The following CDH18 variants were observed in gnomAD, a reference collection of about 807,000 sequenced individuals.
CDH18 encodes cadherin-18.
In CDH18, 31 loss-of-function variants were observed where a neutral mutation model predicts 67.9. That is an observed-to-expected ratio of 0.46 (90% CI 0.34 to 0.62). The LOEUF (loss-of-function observed/expected upper bound fraction) is 0.62, where lower values mean the gene tolerates loss of function less well. CDH18 is among the 20% of genes least tolerant of loss of function. The probability of loss-of-function intolerance (pLI) is 0.01; values close to 1 mark genes in which losing one functional copy is unlikely to be tolerated. For missense variants in CDH18, 890 were observed against 975.5 expected (o/e 0.91, Z 1.17); for synonymous variants, 362 against 347.2 (o/e 1.04, Z -0.48).
intron 1 of CDH18, among the ~76,000 whole-genome samples, chr5:20,415,851 T>C (rs2150151010): frequency 6.6e-6 from 1 of 152,178 alleles, no homozygotes; most frequent in African/African-American, 2.4e-5. Context: ...TGTGGAAGAA[T>C]CATGAGAACA....
chr5:20,061,885 T>A (rs1304849709), intron 2 of CDH18, among the ~76,000 whole-genome samples: 1 of 152,124 alleles, frequency 6.6e-6, no homozygotes, highest in Non-Finnish European at 1.5e-5. Flanking sequence ...AGAGATCATG[T>A]CCTGACTTAG....
chr5:20,284,391 T>G (rs1046205446), intron 1 of CDH18, among the ~76,000 whole-genome samples: 42 of 151,952 alleles, frequency 2.8e-4, no homozygotes, highest in African/African-American at 9.4e-4. Context: ...AAAATAAAAA[T>G]TATAAAAATG....
intron 11 of CDH18, among the ~76,000 whole-genome samples, chr5:19,493,344 C>T (rs1414101941): frequency 1.3e-5 from 2 of 152,082 alleles, no homozygotes; most frequent in African/African-American, 4.8e-5. Context: ...ACCCAGCAGA[C>T]AGTACATAAC....
chr5:19,698,933 T>C (rs1257588966), intron 5 of CDH18, among the ~76,000 whole-genome samples: 1 of 152,088 alleles, frequency 6.6e-6, no homozygotes, highest in Non-Finnish European at 1.5e-5. Context: ...TCTTAGGATG[T>C]TTGTGGCAGT....
chr5:20,141,687 G>A (rs1389596170), intron 2 of CDH18, among the ~76,000 whole-genome samples: 1 of 152,058 alleles, frequency 6.6e-6, no homozygotes, highest in Non-Finnish European at 1.5e-5. Flanking sequence ...TGCAGCAAAG[G>A]GTTTATTGGG....
chr5:19,829,276 C>A (rs1581539192), intron 3 of CDH18, among the ~76,000 whole-genome samples: 1 of 152,244 alleles, frequency 6.6e-6, no homozygotes, highest in Middle Eastern at 3.4e-3. Flanking sequence ...CAAACTTTTT[C>A]TGTTTGCAAA....
chr5:20,019,477 G>T (rs953878576), intron 2 of CDH18, among the ~76,000 whole-genome samples: 2 of 152,082 alleles, frequency 1.3e-5, no homozygotes, highest in African/African-American at 4.8e-5. Context: ...GGATCATGGG[G>T]GCCAATTTGC....
At chr5:20,403,598 T>C (rs1348899502) in intron 1 of CDH18, among the ~76,000 whole-genome samples, 1 of 152,218 alleles carries the variant, frequency 6.6e-6, no homozygotes, top group African/African-American at 2.4e-5. Context: ...AAGAAATCTT[T>C]TTGTTTTCTG....
At chr5:20,343,454 C>T (rs944835504) in intron 1 of CDH18, among the ~76,000 whole-genome samples, 1 of 152,126 alleles carries the variant, frequency 6.6e-6, no homozygotes, top group Non-Finnish European at 1.5e-5. Context: ...GGAAGGACCC[C>T]ATTACATTAC....
chr5:20,118,118 G>A (rs1327601589), intron 2 of CDH18, among the ~76,000 whole-genome samples: 1 of 152,064 alleles, frequency 6.6e-6, no homozygotes, highest in South Asian at 2.1e-4. Context: ...ATTAGCAAAA[G>A]GTGGTATATC....
At chr5:19,950,657 C>G (rs1795704301) in intron 2 of CDH18, among the ~76,000 whole-genome samples, 1 of 151,980 alleles carries the variant, frequency 6.6e-6, no homozygotes, top group African/African-American at 2.4e-5. Context: ...TAACTACTAT[C>G]TGGAATTAAA....
intron 2 of CDH18, among the ~76,000 whole-genome samples, chr5:20,093,828 C>T (rs1745652165): frequency 6.6e-6 from 1 of 152,030 alleles, no homozygotes; most frequent in African/African-American, 2.4e-5. Flanking sequence ...TCAGAGAAGC[C>T]AGTGAAGTTT....
chr5:19,589,782 A>T (rs943450124), intron 7 of CDH18, among the ~76,000 whole-genome samples: 1 of 151,998 alleles, frequency 6.6e-6, no homozygotes, highest in African/African-American at 2.4e-5. Context: ...CAGCCACATT[A>T]TTTTGATCCC....
At chr5:20,259,068 C>A (rs916870366) in intron 1 of CDH18, among the ~76,000 whole-genome samples, 36 of 152,040 alleles carry the variant, frequency 2.4e-4, no homozygotes, top group African/African-American at 7.7e-4. Context: ...CAACAAACGC[C>A]TAAAAATAGT....
At chr5:19,996,310 A>G (rs1736015654) in intron 2 of CDH18, among the ~76,000 whole-genome samples, 1 of 152,082 alleles carries the variant, frequency 6.6e-6, no homozygotes, top group South Asian at 2.1e-4. Flanking sequence ...CAATATTTTC[A>G]GTAAATTATC....
At chr5:20,564,812 G>A (rs112552670) in intron 1 of CDH18, among the ~76,000 whole-genome samples, 211 of 152,216 alleles carry the variant, frequency 1.4e-3, no homozygotes, top group African/African-American at 4.5e-3. Context: ...GAAAGACATT[G>A]TCTTTAGCCA....
At chr5:20,100,639 C>G (rs539627005) in intron 2 of CDH18, among the ~76,000 whole-genome samples, 4 of 151,900 alleles carry the variant, frequency 2.6e-5, no homozygotes, top group Admixed American at 6.6e-5. Flanking sequence ...TCTATAACAC[C>G]GAAAACTGGA....
intron 2 of CDH18, among the ~76,000 whole-genome samples, chr5:19,963,761 T>G (rs996580182): frequency 3.3e-5 from 5 of 151,976 alleles, no homozygotes; most frequent in African/African-American, 1.2e-4. Flanking sequence ...ACAAATAAAG[T>G]AATTTACAAA....
chr5:20,493,144 T>G (rs1033617139), intron 1 of CDH18, among the ~76,000 whole-genome samples: 2 of 151,544 alleles, frequency 1.3e-5, no homozygotes, highest in Non-Finnish European at 2.9e-5. Context: ...AGGTTAGGAG[T>G]TTGTGACCAG....
Sources: gnomAD v4.1 joint callset for allele counts (sites outside exome capture counted in the v4.1 genomes callset) on GRCh38, gnomAD v4.1.1 for gene constraint, MANE v1.5 for transcripts, NCBI Gene and HGNC (gene_info 2026-07-23, HGNC 2026-07-21) for gene names.